MRPS5: variants seen among roughly 807,000 people sequenced by gnomAD.
MRPS5 encodes the protein mitochondrial ribosomal protein S5, also known as small ribosomal subunit protein uS5m.
Under a neutral mutation model 51.9 loss-of-function variants are expected in MRPS5, and 27 were observed. The observed-to-expected ratio is 0.52, with a 90% CI of 0.38 to 0.72. The LOEUF is 0.72. Ranked by LOEUF, MRPS5 falls within the 30% of genes least tolerant of loss-of-function variation. The pLI, the probability that MRPS5 is intolerant of heterozygous loss-of-function variation, is 0.00. For synonymous variants in MRPS5, 196 were observed against 193.2 expected (o/e 1.01, Z -0.12); for missense variants, 570 against 545.7 (o/e 1.04, Z -0.44).
At chr2:95,088,225 G>A (rs947422601) in intron 11 of MRPS5, among the ~76,000 whole-genome samples, 5 of 152,072 alleles carry the variant, frequency 3.3e-5, no homozygotes, top group African/African-American at 9.7e-5. Flanking sequence ...TAACTTTTTA[G>A]GTATGATAAT....
At position 95,086,269 on chromosome 2, in the gene MRPS5, T is replaced by C. The variant is rs1259983540; in HGVS notation, c.*1088A>G. On this transcript the variant is annotated 3_prime_UTR_variant, in exon 12 of 12. Transcript: ENST00000272418. ...ACCATAAAAATGCTTCAGTGAGCAA[T>C]TATAAACACTCTTGAAGCCATTTAA... Among the ~76,000 whole-genome samples the C allele has an allele frequency of 6.6e-6, 1 of 151,942 alleles. No individual in the cohort carries two copies. Among genetic ancestry groups the C allele is most frequent in the Non-Finnish European group, 1.5e-5 (1 of 67,988 alleles).
chr2:95,103,956 T>C (rs534134205), intron 7 of MRPS5: 1 of 152,270 alleles, frequency 6.6e-6, no homozygotes, highest in African/African-American at 2.4e-5. Flanking sequence ...TATATATATA[T>C]GTATTACTTT....
intron 5 of MRPS5, chr2:95,106,769 C>A (rs78186627): frequency 1.6e-5 from 7 of 429,080 alleles, no homozygotes; most frequent in East Asian, 9.0e-5. Flanking sequence ...GGCCTCTCCC[C>A]CTAGGCCAAG....
At chr2:95,102,882 C>T (rs556295277) in intron 7 of MRPS5, among the ~76,000 whole-genome samples, 6 of 152,230 alleles carry the variant, frequency 3.9e-5, no homozygotes, top group South Asian at 2.1e-4. Flanking sequence ...TTTTGAACAA[C>T]GTATTTTGTT....
chr2:95,109,983 T>G lies in MRPS5; in HGVS notation c.336A>C (p.Lys112Asn). The G allele has an allele frequency of 4.3e-6, 7 of 1,613,044 alleles. No homozygotes were observed. The highest frequency in any genetic ancestry group is 5.9e-6 in the Non-Finnish European group (7 of 1,179,266). The change falls in exon 4 of 12, where the codon AAA becomes AAC. Residue 112 changes from lysine (K) to asparagine (N), a missense_variant. Lys to Asn is a moderately conservative substitution (Grantham distance 94). Coordinates refer to ENST00000272418, the MANE Select transcript of MRPS5 (RefSeq NM_031902.5). ...ALAETGAGAK[K>N]GRGKRTKKKK... is the part of the protein sequence containing the mutation. ...TCTTTTTAGTTCTTTTGCCTCTTCC[T>G]TTTTTTGCTCCAGCACCAGTCTCTG...
Position 95,103,908 on chromosome 2 carries a change from A to G in MRPS5, c.763+732T>C, listed in dbSNP as rs117411953. On this transcript the variant is annotated intron_variant, in intron 7 of 11. Coordinates refer to ENST00000272418, the MANE Select transcript of MRPS5 (RefSeq NM_031902.5). ...GAACATAAAATTTAGGAAAATTACA[A>G]AAGTAGCTGTTAGGCCTGGTTTCCT... is the stretch of plus-strand genomic sequence containing the variant. 2.0e-5 allele frequency: 3 copies of G among 152,348 alleles called. No homozygotes were observed. In the East Asian group the frequency reaches 5.8e-4, roughly 29 times the overall value. 9.4% of individuals were successfully genotyped at this position (152,348 alleles called of 1,614,324 possible). A position where few individuals can be genotyped will look rare whatever the true frequency, so the allele number is the denominator to read the frequency against.
chr2:95,116,730 A>T (rs566624601), intron 2 of MRPS5, among the ~76,000 whole-genome samples: 1 of 152,362 alleles, frequency 6.6e-6, no homozygotes, highest in East Asian at 1.9e-4. Context: ...CGTGTGGCTC[A>T]AGTCAAAGAC....
chr2:95,104,566 G>C (rs1438910314), intron 7 of MRPS5, 74 bp downstream of exon 7: 1 of 1,491,096 alleles, frequency 6.7e-7, no homozygotes, highest in Non-Finnish European at 9.4e-7. Flanking sequence ...GAGCCCATGG[G>C]CTCCACAGCA....
Position 95,090,382 on chromosome 2 carries a change from T to G in MRPS5, c.1068+4A>C. 1 of 1,613,060 alleles carries G rather than the reference T, an allele frequency of 6.2e-7. No homozygotes were observed. The highest frequency in any genetic ancestry group is 8.5e-7 in the Non-Finnish European group (1 of 1,179,888). On this transcript the variant is annotated splice_donor_region_variant and intron_variant, in intron 11 of 11. Coordinates refer to ENST00000272418, the MANE Select transcript of MRPS5 (RefSeq NM_031902.5). ...CTCTGTTTCAGACCCCGGGAAAGGA[T>G]TACCTGTCTGGAGAGCCCACGGAAG...
chr2:95,113,091 C>T (rs1232846159), intron 3 of MRPS5, among the ~76,000 whole-genome samples: 3 of 151,852 alleles, frequency 2.0e-5, no homozygotes, highest in Non-Finnish European at 4.4e-5. Context: ...GAGTCCGAGG[C>T]AGGGGTGGGA....
intron 10 of MRPS5, among the ~76,000 whole-genome samples, chr2:95,099,160 C>T (rs568525594): frequency 4.6e-4 from 69 of 151,266 alleles, no homozygotes; most frequent in South Asian, 1.7e-3. Context: ...CCTCGTGATC[C>T]GACCACCTCA....
At chr2:95,092,762 A>G (rs1264544647) in intron 10 of MRPS5, 4 of 152,240 alleles carry the variant, frequency 2.6e-5, no homozygotes, top group Admixed American at 2.6e-4. Flanking sequence ...AAGATGGCCG[A>G]ATAGTAACAG....
intron 4 of MRPS5, among the ~76,000 whole-genome samples, chr2:95,109,361 T>C (rs1676047958): frequency 6.6e-6 from 1 of 152,334 alleles, no homozygotes; most frequent in Middle Eastern, 3.4e-3. Context: ...CACTACACTA[T>C]TTTTACTCTT....
chr2:95,101,537 A>G, intron 8 of MRPS5, 140 bp downstream of exon 8: 1 of 592,582 alleles, frequency 1.7e-6, no homozygotes, highest in Non-Finnish European at 2.9e-6. Flanking sequence ...ACTGATTTTT[A>G]TGAGCTAATT....
At chr2:95,098,568 C>T (rs1186796780) in intron 10 of MRPS5, among the ~76,000 whole-genome samples, 3 of 151,970 alleles carry the variant, frequency 2.0e-5, no homozygotes, top group African/African-American at 4.8e-5. Flanking sequence ...ACCATCATTC[C>T]GAGCAAACTA....
At chr2:95,113,166 G>A (rs535298527) in intron 3 of MRPS5, among the ~76,000 whole-genome samples, 1 of 151,810 alleles carries the variant, frequency 6.6e-6, no homozygotes, top group African/African-American at 2.4e-5. Flanking sequence ...TTAGAACAGG[G>A]AAAAGGCTAT....
Position 95,109,991 on chromosome 2 carries a change from C to T in MRPS5, c.328G>A (p.Ala110Thr), listed in dbSNP as rs1434622790. ...KGALAETGAGAKKGRGKRTKK... is the reference protein window; with the variant it reads ...KGALAETGAGTKKGRGKRTKK... ...GTTCTTTTGCCTCTTCCTTTTTTTG[C>T]TCCAGCACCAGTCTCTGCTAAAGCG... Residue 110 changes from alanine to threonine, a missense_variant, in exon 4 of 12, where the codon GCA becomes ACA. Physicochemically the swap from Ala to Thr is moderately conservative, Grantham distance 58 (BLOSUM62 0). Transcript: ENST00000272418. The T allele has an allele frequency of 6.2e-7, 1 of 1,613,750 alleles. No individual in the cohort carries two copies.
At position 95,090,103 on chromosome 2, in the gene MRPS5, G is replaced by C. The variant is rs1221541997; in HGVS notation, c.1068+283C>G. On this transcript the variant is annotated intron_variant, in intron 11 of 11. Coordinates refer to ENST00000272418, the MANE Select transcript of MRPS5 (RefSeq NM_031902.5). ...GAGGCAGGAGAATGGCGTGAACCCG[G>C]GAGGCGGAGCTTGCAGTGAGCCGGG... Among the ~76,000 whole-genome samples, 30 of 149,920 alleles carry C rather than the reference G, an allele frequency of 2.0e-4. No individual in the cohort carries two copies. In the South Asian group the frequency reaches 2.1e-3, roughly 11 times the overall value.
chr2:95,106,359 T>TTCCCGCCC, intron 6 of MRPS5, 64 bp downstream of exon 6: 2 of 835,254 alleles, frequency 2.4e-6, no homozygotes. Flanking sequence ...TCTTGCCCTG[T>TTCCCGCCC]CCCTGCCCCA....
Sources: allele counts gnomAD v4.1 joint callset (sites outside exome capture counted in the v4.1 genomes callset), GRCh38; gene constraint gnomAD v4.1.1; transcripts MANE v1.5; gene names NCBI Gene and HGNC (gene_info 2026-07-23, HGNC 2026-07-21).